MTCL2: variants seen among roughly 807,000 people sequenced by gnomAD.
MTCL2 encodes microtubule crosslinking factor 2, also known as microtubule cross-linking factor 2.
At chr20:36,784,100 T>G in the MTCL2 span, 1 of 985,470 alleles carries the variant, frequency 1.0e-6, no homozygotes, top group African/African-American at 1.7e-5. Flanking sequence ...CCCACGGGGA[T>G]TTCTCCCCGA....
chr20:36,802,762 A>G, the MTCL2 span: 1 of 1,431,830 alleles, frequency 7.0e-7, no homozygotes, highest in African/African-American at 1.4e-5. Context: ...GAGCACCTAG[A>G]TCCAGCTATA....
the MTCL2 span, among the ~76,000 whole-genome samples, chr20:36,789,988 A>ATTTTTTT: frequency 9.0e-6 from 1 of 110,736 alleles, no homozygotes; most frequent in Non-Finnish European, 1.9e-5. Context: ...TAATTTTTGT[A>ATTTTTTT]TTTTTTTTTT....
chr20:36,820,287 T>C, the MTCL2 span, among the ~76,000 whole-genome samples: 1 of 152,044 alleles, frequency 6.6e-6, no homozygotes, highest in Non-Finnish European at 1.5e-5. Context: ...GGAAGTGAAG[T>C]GACAGAGAGG....
chr20:36,812,737 G>A, the MTCL2 span: 1 of 1,614,008 alleles, frequency 6.2e-7, no homozygotes, highest in Non-Finnish European at 8.5e-7. Context: ...CTTCAGCTCG[G>A]TAAGGCCTGA....
At chr20:36,798,929 C>T in the MTCL2 span, among the ~76,000 whole-genome samples, 1 of 152,164 alleles carries the variant, frequency 6.6e-6, no homozygotes, top group African/African-American at 2.4e-5. Context: ...TTTTAAAAGT[C>T]AAAGTCCCAG....
the MTCL2 span, chr20:36,812,858 C>T: frequency 6.2e-7 from 1 of 1,608,106 alleles, no homozygotes; most frequent in African/African-American, 1.3e-5. Context: ...CACCCAGAGG[C>T]ACAGGCAGAA....
At chr20:36,808,717 G>A in the MTCL2 span, 2 of 1,602,186 alleles carry the variant, frequency 1.2e-6, no homozygotes, top group South Asian at 1.1e-5. Flanking sequence ...CCCGCCTCAG[G>A]AGCGCCCTCT....
the MTCL2 span, chr20:36,785,444 G>A: frequency 6.9e-5 from 68 of 985,326 alleles, no homozygotes; most frequent in African/African-American, 9.4e-4. Context: ...GGCAAGATAC[G>A]TGTTTCCAGG....
At chr20:36,841,234 G>A in the MTCL2 span, among the ~76,000 whole-genome samples, 1 of 148,920 alleles carries the variant, frequency 6.7e-6, no homozygotes, top group Admixed American at 6.7e-5. Flanking sequence ...TCGGGAGGCC[G>A]AGGCATGAGA....
the MTCL2 span, chr20:36,808,800 T>G: frequency 6.8e-7 from 1 of 1,468,098 alleles, no homozygotes; most frequent in Non-Finnish European, 9.2e-7. Context: ...CCCCACCCCT[T>G]TCTGGGCCCC....
the MTCL2 span, chr20:36,794,772 T>C: frequency 1.3e-6 from 1 of 748,442 alleles, no homozygotes; most frequent in Non-Finnish European, 2.1e-6. The surrounding 1 kb of genome is among the most constrained non-coding windows in gnomAD (Gnocchi z 5.4). Context: ...GCATTTTCTT[T>C]TTTTTTTTTT....
the MTCL2 span, among the ~76,000 whole-genome samples, chr20:36,811,498 G>A: frequency 2.6e-5 from 4 of 151,964 alleles, no homozygotes; most frequent in Admixed American, 6.6e-5. Flanking sequence ...GCATGGTGGC[G>A]CACGCCTATA....
the MTCL2 span, among the ~76,000 whole-genome samples, chr20:36,822,671 C>T: frequency 8.5e-5 from 13 of 152,218 alleles, no homozygotes; most frequent in Admixed American, 3.3e-4. Context: ...AACAGCAGGG[C>T]AGATTTTCAC....
the MTCL2 span, among the ~76,000 whole-genome samples, chr20:36,807,059 A>G: frequency 6.6e-6 from 1 of 152,264 alleles, no homozygotes; most frequent in South Asian, 2.1e-4. Flanking sequence ...ACGTCACAGA[A>G]GAGACAGCTT....
the MTCL2 span, chr20:36,815,859 C>A: frequency 6.2e-7 from 1 of 1,602,944 alleles, no homozygotes. The surrounding 1 kb of genome is among the most constrained non-coding windows in gnomAD (Gnocchi z 5.3). Flanking sequence ...GGCAGAGGAG[C>A]GCCGCAGCAG....
the MTCL2 span, among the ~76,000 whole-genome samples, chr20:36,855,631 G>A: frequency 4.6e-3 from 706 of 152,204 alleles, 7 homozygotes; most frequent in African/African-American, 0.016. Context: ...ACTTAGCTGC[G>A]CCCCTTTCCT....
At chr20:36,788,573 G>A in the MTCL2 span, among the ~76,000 whole-genome samples, 1 of 152,128 alleles carries the variant, frequency 6.6e-6, no homozygotes, top group Non-Finnish European at 1.5e-5. Flanking sequence ...GGGAGGCGGA[G>A]CTTGCAGTGA....
chr20:36,837,047 T>G, the MTCL2 span, among the ~76,000 whole-genome samples: 1 of 152,208 alleles, frequency 6.6e-6, no homozygotes, highest in East Asian at 1.9e-4. Context: ...CCCAGGTAAG[T>G]GTGTGGCTGA....
At chr20:36,835,584 C>T in the MTCL2 span, among the ~76,000 whole-genome samples, 9 of 152,224 alleles carry the variant, frequency 5.9e-5, no homozygotes, top group South Asian at 1.7e-3. Flanking sequence ...CCCTCCAAGA[C>T]GATGCCAGGG....
Sources: allele counts gnomAD v4.1 joint callset (sites outside exome capture counted in the v4.1 genomes callset), GRCh38; gene constraint gnomAD v4.1.1; non-coding constraint Gnocchi (gnomAD v3.1); transcripts MANE v1.5; gene names NCBI Gene and HGNC (gene_info 2026-07-23, HGNC 2026-07-21).